Variants in ME3 observed in about 807,000 individuals in gnomAD.
The protein encoded by ME3 is NADP-dependent malic enzyme, mitochondrial.
Under a neutral mutation model 68.9 loss-of-function variants are expected in ME3, and 48 were observed. The ratio of observed to expected loss-of-function variants is 0.70; its 90% CI spans 0.55 to 0.89. The LOEUF is 0.89. Ranked by LOEUF, ME3 falls within the 40% of genes least tolerant of loss-of-function variation. ME3 has a pLI of 0.00. For missense variants in ME3, 675 were observed against 797.4 expected (o/e 0.85, Z 1.85); for synonymous variants, 320 against 318.8 (o/e 1.00, Z -0.04).
At chr11:86,658,187 G>A (rs927034356) in intron 2 of ME3, among the ~76,000 whole-genome samples, 3 of 151,630 alleles carry the variant, frequency 2.0e-5, no homozygotes, top group Non-Finnish European at 2.9e-5. Flanking sequence ...TGCAGGGCGC[G>A]ATCTTGGCGT....
At chr11:86,574,350 A>C (rs1437372824) in intron 2 of ME3, among the ~76,000 whole-genome samples, 1 of 122,436 alleles carries the variant, frequency 8.2e-6, no homozygotes, top group African/African-American at 3.1e-5. Flanking sequence ...GGATTTATCT[A>C]CCTTTGATCT....
intron 7 of ME3, among the ~76,000 whole-genome samples, chr11:86,468,480 A>G (rs532303275): frequency 1.3e-5 from 2 of 152,180 alleles, no homozygotes; most frequent in Non-Finnish European, 2.9e-5. Flanking sequence ...CATCCATCCA[A>G]ACACATTCAT....
At chr11:86,611,329 A>C (rs1177753915) in intron 2 of ME3, among the ~76,000 whole-genome samples, 1 of 151,418 alleles carries the variant, frequency 6.6e-6, no homozygotes, top group African/African-American at 2.4e-5. Context: ...TGTAAACAAA[A>C]AGAGAAAAAA....
chr11:86,652,435 A>G (rs1261569540), intron 2 of ME3, among the ~76,000 whole-genome samples: 2 of 152,222 alleles, frequency 1.3e-5, no homozygotes, highest in African/African-American at 4.8e-5. Flanking sequence ...GTGGGGGTCA[A>G]TATTCAACAT....
intron 2 of ME3, among the ~76,000 whole-genome samples, chr11:86,567,840 G>A (rs1476822687): frequency 6.6e-6 from 1 of 152,180 alleles, no homozygotes; most frequent in Non-Finnish European, 1.5e-5. Flanking sequence ...AGTTCACTAG[G>A]GCTTAAGGGG....
chr11:86,646,123 C>A (rs10898517), intron 2 of ME3, among the ~76,000 whole-genome samples: 29,856 of 152,156 alleles, frequency 0.2, 3,721 homozygotes, highest in East Asian at 0.56. Context: ...GCTGAAAATG[C>A]CAAAATCCAG....
chr11:86,553,689 A>C (rs565890871), intron 4 of ME3, among the ~76,000 whole-genome samples: 2 of 152,204 alleles, frequency 1.3e-5, no homozygotes, highest in Non-Finnish European at 2.9e-5. Context: ...GAAGATGGTT[A>C]AGTCTGCCCA....
At chr11:86,654,226 A>C (rs574278661) in intron 2 of ME3, among the ~76,000 whole-genome samples, 1 of 152,356 alleles carries the variant, frequency 6.6e-6, no homozygotes, top group African/African-American at 2.4e-5. Context: ...AAATGAGGGA[A>C]TCCTCCCTAA....
At chr11:86,627,032 A>G (rs1261743985) in intron 2 of ME3, among the ~76,000 whole-genome samples, 8 of 152,180 alleles carry the variant, frequency 5.3e-5, no homozygotes, top group Non-Finnish European at 1.5e-5. Context: ...GGGTTTTCCA[A>G]AAGAGGAAAG....
At chr11:86,440,795 T>A (rs995307307), downstream of ME3, among the ~76,000 whole-genome samples, 6 of 152,172 alleles carry the variant, frequency 3.9e-5, no homozygotes, top group Non-Finnish European at 7.3e-5. Flanking sequence ...CCCACCCATC[T>A]TTTCCTCTTG....
At chr11:86,591,562 T>A (rs1959062544) in intron 2 of ME3, among the ~76,000 whole-genome samples, 1 of 152,178 alleles carries the variant, frequency 6.6e-6, no homozygotes, top group Admixed American at 6.5e-5. Context: ...AACCTGTCAG[T>A]ATCTTGATCT....
intron 2 of ME3, among the ~76,000 whole-genome samples, chr11:86,604,328 C>G (rs1180363249): frequency 1.3e-5 from 2 of 151,988 alleles, no homozygotes; most frequent in Non-Finnish European, 1.5e-5. Context: ...ACCAGTCTTT[C>G]AGGTTAAATT....
intron 4 of ME3, among the ~76,000 whole-genome samples, chr11:86,533,719 A>T (rs2139291692): frequency 6.6e-6 from 1 of 152,332 alleles, no homozygotes; most frequent in East Asian, 1.9e-4. Flanking sequence ...TCCTTGATGA[A>T]CACAGATATA....
chr11:86,443,645 C>T (rs1465947304), intron 13 of ME3, among the ~76,000 whole-genome samples: 1 of 152,216 alleles, frequency 6.6e-6, no homozygotes, highest in Non-Finnish European at 1.5e-5. Flanking sequence ...TAAATTTAGA[C>T]TTGGGAAATG....
intron 5 of ME3, among the ~76,000 whole-genome samples, chr11:86,500,511 C>T (rs1438665260): frequency 6.6e-6 from 1 of 152,256 alleles, no homozygotes; most frequent in Non-Finnish European, 1.5e-5. Context: ...CTTCCATTCT[C>T]TCCTGCCAAC....
At chr11:86,496,762 G>A (rs935790665) in intron 6 of ME3, among the ~76,000 whole-genome samples, 2 of 151,960 alleles carry the variant, frequency 1.3e-5, no homozygotes, top group Non-Finnish European at 2.9e-5. Flanking sequence ...CTATTAAACC[G>A]ACACTATGGA....
At chr11:86,441,126 A>T in exon 15 of ME3, 1 of 675,318 alleles carries the variant, frequency 1.5e-6, no homozygotes, top group Non-Finnish European at 2.2e-6. Context: ...CAAGGCTTTT[A>T]TTCACTGTAT....
chr11:86,448,103 C>T (rs200298663), intron 11 of ME3, 47 bp downstream of exon 11: 84 of 1,379,132 alleles, frequency 6.1e-5, no homozygotes, highest in Middle Eastern at 3.6e-4. Flanking sequence ...ATCTGCAAGT[C>T]AAGAGGGTTA....
chr11:86,651,859 C>T (rs1240985346), intron 2 of ME3, among the ~76,000 whole-genome samples: 6 of 152,076 alleles, frequency 3.9e-5, no homozygotes, highest in South Asian at 4.2e-4. Flanking sequence ...AAAGATTAGA[C>T]GAATGGCTAA....
Sources: allele counts gnomAD v4.1 joint callset (sites outside exome capture counted in the v4.1 genomes callset), GRCh38; gene constraint gnomAD v4.1.1; transcripts MANE v1.5; gene names NCBI Gene and HGNC (gene_info 2026-07-23, HGNC 2026-07-21).